The following DPP6 variants were observed in gnomAD, a reference collection of about 807,000 sequenced individuals.
The protein encoded by DPP6 is A-type potassium channel modulatory protein DPP6.
A neutral mutation model predicts 122.6 loss-of-function variants in DPP6; 69 were observed. The observed-to-expected ratio is 0.56, with a 90% CI of 0.46 to 0.69. The LOEUF (loss-of-function observed/expected upper bound fraction) is 0.69, where lower values mean the gene tolerates loss of function less well. DPP6 is among the 30% of genes least tolerant of loss of function. The pLI, the probability that DPP6 is intolerant of heterozygous loss-of-function variation, is 0.00. For missense variants in DPP6, 928 were observed against 1,116.9 expected, an observed-to-expected ratio of 0.83 and a Z score of 2.41; for synonymous variants, 418 against 433.1, an observed-to-expected ratio of 0.97 and a Z score of 0.43.
chr7:154,193,994 C>T (rs778723659), intron 1 of DPP6, among the ~76,000 whole-genome samples: 10 of 152,202 alleles, frequency 6.6e-5, no homozygotes, highest in Non-Finnish European at 1.3e-4. Flanking sequence ...AGGAACATAT[C>T]GTGCCCAATT....
chr7:153,898,287 T>TA (rs1291539353), intron 1 of DPP6, among the ~76,000 whole-genome samples: 4 of 151,878 alleles, frequency 2.6e-5, no homozygotes, highest in Non-Finnish European at 5.9e-5. Context: ...ACGCCATCTC[T>TA]AAAAAAAATT....
At chr7:154,827,072 C>T (rs1307512586) in intron 16 of DPP6, among the ~76,000 whole-genome samples, 2 of 151,986 alleles carry the variant, frequency 1.3e-5, no homozygotes, top group Admixed American at 6.6e-5. Context: ...GTTTAAGCTA[C>T]GTTGACAAGA....
At chr7:154,656,816 G>C in intron 6 of DPP6, among the ~76,000 whole-genome samples, 1 of 150,136 alleles carries the variant, frequency 6.7e-6, no homozygotes, top group Non-Finnish European at 1.5e-5. Context: ...GGCTGCGTGG[G>C]AGGAGGTGCC....
chr7:153,981,882 C>T (rs1310909119), intron 1 of DPP6, among the ~76,000 whole-genome samples: 5 of 151,780 alleles, frequency 3.3e-5, no homozygotes, highest in Middle Eastern at 3.2e-3. Flanking sequence ...CCACTCTCTT[C>T]TGGCTTGTAG....
intron 3 of DPP6, among the ~76,000 whole-genome samples, chr7:154,493,539 AT>A (rs1320769470): frequency 6.7e-6 from 1 of 150,224 alleles, no homozygotes; most frequent in African/African-American, 2.4e-5. Flanking sequence ...TCTGTAAAAG[AT>A]TTATTTTTAT....
chr7:153,818,908 C>T, the DPP6 span, among the ~76,000 whole-genome samples: 5 of 151,738 alleles, frequency 3.3e-5, no homozygotes, highest in Admixed American at 6.6e-5. Context: ...CATGCCACCA[C>T]GCTTGGCTAA....
the DPP6 span, among the ~76,000 whole-genome samples, chr7:153,811,656 C>T: frequency 2.0e-5 from 3 of 152,016 alleles, no homozygotes; most frequent in Admixed American, 6.6e-5. Flanking sequence ...CTTTTGAGAC[C>T]ATGAGTCTCA....
At chr7:154,586,155 G>A (rs1405145412) in intron 5 of DPP6, among the ~76,000 whole-genome samples, 3 of 152,116 alleles carry the variant, frequency 2.0e-5, no homozygotes, top group Admixed American at 6.5e-5. Flanking sequence ...GGAGCTGAAT[G>A]GTTCCAGAGT....
intron 1 of DPP6, among the ~76,000 whole-genome samples, chr7:153,934,329 C>T (rs889578986): frequency 4.6e-5 from 7 of 151,884 alleles, no homozygotes; most frequent in Non-Finnish European, 8.8e-5. Context: ...GGTGTGAAAG[C>T]GCCCCTTCTC....
At chr7:154,036,791 G>A (rs1268401757) in intron 1 of DPP6, among the ~76,000 whole-genome samples, 7 of 152,064 alleles carry the variant, frequency 4.6e-5, no homozygotes, top group Non-Finnish European at 7.4e-5. Flanking sequence ...AAACAACTGC[G>A]TATAGGAAGA....
the DPP6 span, among the ~76,000 whole-genome samples, chr7:153,881,752 C>T: frequency 6.6e-6 from 1 of 152,130 alleles, no homozygotes; most frequent in Non-Finnish European, 1.5e-5. Context: ...GTGTACTGAA[C>T]TACTCAGGCC....
intron 1 of DPP6, among the ~76,000 whole-genome samples, chr7:154,009,653 G>A (rs1386000637): frequency 6.6e-6 from 1 of 151,546 alleles, no homozygotes; most frequent in African/African-American, 2.4e-5. Context: ...ATTAATTCCT[G>A]CTATTCTTTC....
intron 1 of DPP6, among the ~76,000 whole-genome samples, chr7:154,167,538 T>G (rs954406058): frequency 1.3e-5 from 2 of 152,252 alleles, no homozygotes; most frequent in Non-Finnish European, 2.9e-5. Flanking sequence ...TCTTGAGATT[T>G]GAGGCGCTAA....
At chr7:154,637,673 C>T in intron 5 of DPP6, 148 bp from the exon 6 acceptor site, 1 of 753,880 alleles carries the variant, frequency 1.3e-6, no homozygotes, top group Non-Finnish European at 2.1e-6. Flanking sequence ...AATTGACTTC[C>T]TAAGTAAATA....
intron 1 of DPP6, among the ~76,000 whole-genome samples, chr7:154,306,335 TG>T (rs995125052): frequency 6.6e-6 from 1 of 152,200 alleles, no homozygotes; most frequent in Non-Finnish European, 1.5e-5. Flanking sequence ...ATTCCCTCCT[TG>T]GAAGATCTTG....
At chr7:153,944,663 G>GTTTTTTTTTTT (rs769081715) in intron 1 of DPP6, among the ~76,000 whole-genome samples, 1 of 103,950 alleles carries the variant, frequency 9.6e-6, no homozygotes, top group Non-Finnish European at 2.0e-5. Flanking sequence ...TTTTTGTGTG[G>GTTTTTTTTTTT]GTTTTTTTTT....
intron 1 of DPP6, among the ~76,000 whole-genome samples, chr7:154,147,918 G>T (rs1451127551): frequency 6.6e-6 from 1 of 151,788 alleles, no homozygotes; most frequent in South Asian, 2.1e-4. Flanking sequence ...AACAAAAGCA[G>T]TGCTTTCGAT....
intron 1 of DPP6, among the ~76,000 whole-genome samples, chr7:153,891,213 G>A (rs1226027261): frequency 1.3e-5 from 2 of 150,778 alleles, no homozygotes; most frequent in Non-Finnish European, 2.9e-5. Flanking sequence ...TCGTAGAGAC[G>A]GGGTTTCGCC....
At chr7:154,595,613 T>C (rs746864159) in intron 5 of DPP6, among the ~76,000 whole-genome samples, 4 of 152,212 alleles carry the variant, frequency 2.6e-5, no homozygotes, top group Non-Finnish European at 4.4e-5. Flanking sequence ...AGGTGGGAAA[T>C]AACAATTCCA....
Sources: allele counts gnomAD v4.1 joint callset (sites outside exome capture counted in the v4.1 genomes callset), GRCh38; gene constraint gnomAD v4.1.1; transcripts MANE v1.5; gene names NCBI Gene and HGNC (gene_info 2026-07-23, HGNC 2026-07-21).